Variants in NRXN3 observed in about 807,000 individuals in gnomAD.
NRXN3 encodes neurexin III.
In NRXN3, 32 loss-of-function variants were observed where a neutral mutation model predicts 137.6. The ratio of observed to expected loss-of-function variants is 0.23; its 90% CI spans 0.18 to 0.31. The LOEUF is 0.31. Ranked by LOEUF, NRXN3 falls within the 10% of genes least tolerant of loss-of-function variation. NRXN3 has a pLI of 1.00. For synonymous variants in NRXN3, 798 were observed against 784.5 expected (o/e 1.02, Z -0.29); for missense variants, 1,574 against 2,062.5 (o/e 0.76, Z 4.59).
At chr14:79,703,937 C>G (rs1488155925) in intron 19 of NRXN3, among the ~76,000 whole-genome samples, 1 of 152,092 alleles carries the variant, frequency 6.6e-6, no homozygotes, top group African/African-American at 2.4e-5. Flanking sequence ...ACAGATCTCC[C>G]TAGAGCTTAG....
At chr14:79,105,708 C>G (rs2052299098) in intron 15 of NRXN3, among the ~76,000 whole-genome samples, 1 of 152,058 alleles carries the variant, frequency 6.6e-6, no homozygotes, top group East Asian at 1.9e-4. Flanking sequence ...ACTTAAGGAG[C>G]TAACAGAAAA....
intron 8 of NRXN3, among the ~76,000 whole-genome samples, chr14:78,742,800 T>A (rs2098585282): frequency 6.6e-6 from 1 of 152,246 alleles, no homozygotes; most frequent in Admixed American, 6.5e-5. Context: ...TTTATAATAA[T>A]TTATCACAGG....
intron 4 of NRXN3, among the ~76,000 whole-genome samples, chr14:78,484,025 CACAGAGAGAG>C (rs1291238197): frequency 7.9e-4 from 90 of 114,028 alleles, no homozygotes; most frequent in African/African-American, 2.8e-3. Context: ...CACACACACA[CACAGAGAGAG>C]AGAGAGAGAG....
At chr14:79,434,680 G>GT (rs963820724) in intron 15 of NRXN3, among the ~76,000 whole-genome samples, 1 of 152,202 alleles carries the variant, frequency 6.6e-6, no homozygotes, top group Admixed American at 6.5e-5. Flanking sequence ...TGAAGATTGA[G>GT]TGCAGGGGAT....
At chr14:79,239,560 G>GA (rs572491193) in intron 15 of NRXN3, among the ~76,000 whole-genome samples, 3 of 152,008 alleles carry the variant, frequency 2.0e-5, no homozygotes, top group East Asian at 1.9e-4. Flanking sequence ...TAAAGATTAA[G>GA]AAAAAATATC....
At chr14:79,303,798 G>A (rs183057530) in intron 15 of NRXN3, among the ~76,000 whole-genome samples, 1 of 152,126 alleles carries the variant, frequency 6.6e-6, no homozygotes, top group East Asian at 1.9e-4. Context: ...TTTACAAAAG[G>A]CAAAGAGGGC....
intron 4 of NRXN3, among the ~76,000 whole-genome samples, chr14:78,444,585 A>G (rs1055273319): frequency 6.6e-6 from 1 of 152,138 alleles, no homozygotes; most frequent in South Asian, 2.1e-4. Flanking sequence ...GGTGTTTCCC[A>G]TAGGTCATGT....
intron 8 of NRXN3, among the ~76,000 whole-genome samples, chr14:78,725,720 A>G (rs1313965239): frequency 6.6e-6 from 1 of 152,224 alleles, no homozygotes; most frequent in East Asian, 1.9e-4. Context: ...TTACACATCC[A>G]TATTTTCAAG....
At chr14:78,171,196 A>G (rs2058687672) in intron 1 of NRXN3, among the ~76,000 whole-genome samples, 1 of 147,692 alleles carries the variant, frequency 6.8e-6, no homozygotes, top group African/African-American at 2.5e-5. Flanking sequence ...TGAGGAATTG[A>G]CGTGTATGTG....
intron 15 of NRXN3, among the ~76,000 whole-genome samples, chr14:79,301,431 C>A (rs1467430933): frequency 6.6e-6 from 1 of 151,954 alleles, no homozygotes; most frequent in African/African-American, 2.4e-5. Flanking sequence ...AACCAGTGGT[C>A]ATAAAACTAA....
intron 16 of NRXN3, among the ~76,000 whole-genome samples, chr14:79,634,280 G>T (rs1320981999): frequency 6.6e-6 from 1 of 151,840 alleles, no homozygotes; most frequent in Non-Finnish European, 1.5e-5. Context: ...CGAGAGACGG[G>T]CTAGTCCAGG....
At chr14:78,919,526 A>G (rs1055589480) in intron 10 of NRXN3, among the ~76,000 whole-genome samples, 7 of 152,226 alleles carry the variant, frequency 4.6e-5, no homozygotes, top group African/African-American at 1.2e-4. Context: ...AACAACCCCT[A>G]TGAATTTTGC....
intron 4 of NRXN3, chr14:78,403,951 C>G: frequency 1.1e-6 from 1 of 903,198 alleles, no homozygotes; most frequent in Non-Finnish European, 1.3e-6. Context: ...TCCCCATTTG[C>G]CTTACATTGG....
At chr14:79,030,524 A>G (rs551992306) in intron 15 of NRXN3, among the ~76,000 whole-genome samples, 13 of 151,872 alleles carry the variant, frequency 8.6e-5, no homozygotes, top group African/African-American at 2.9e-4. Flanking sequence ...CTACAATTCA[A>G]TCTTTTTTAT....
intron 1 of NRXN3, among the ~76,000 whole-genome samples, chr14:78,176,439 A>C (rs956111167): frequency 6.7e-6 from 1 of 149,524 alleles, no homozygotes; most frequent in Non-Finnish European, 1.5e-5. Context: ...AACTCAATGC[A>C]GTATACTATT....
At chr14:79,809,944 A>G (rs540043136) in intron 20 of NRXN3, among the ~76,000 whole-genome samples, 149 of 152,350 alleles carry the variant, frequency 9.8e-4, no homozygotes, top group Middle Eastern at 3.4e-3. Flanking sequence ...GTAAATTCAC[A>G]TTTGTAATCT....
intron 16 of NRXN3, among the ~76,000 whole-genome samples, chr14:79,608,633 G>A (rs768185102): frequency 1.2e-4 from 18 of 152,172 alleles, no homozygotes; most frequent in South Asian, 2.1e-4. Context: ...GCTGCCAGCC[G>A]GCCTGGCAAT....
At chr14:78,217,637 A>C (rs2063424565) in intron 1 of NRXN3, among the ~76,000 whole-genome samples, 1 of 152,184 alleles carries the variant, frequency 6.6e-6, no homozygotes, top group African/African-American at 2.4e-5. Flanking sequence ...ATTGTGCATG[A>C]GTATTCTCTT....
chr14:79,484,332 C>T (rs2096636121), intron 16 of NRXN3, among the ~76,000 whole-genome samples: 1 of 152,156 alleles, frequency 6.6e-6, no homozygotes, highest in African/African-American at 2.4e-5. Flanking sequence ...TCTTAGAGTA[C>T]AGGGTGCTTC....
Sources: allele counts gnomAD v4.1 joint callset (sites outside exome capture counted in the v4.1 genomes callset), GRCh38; gene constraint gnomAD v4.1.1; transcripts MANE v1.5; gene names NCBI Gene and HGNC (gene_info 2026-07-23, HGNC 2026-07-21).